The following KIF21B variants were observed in gnomAD, a reference collection of about 807,000 sequenced individuals.
KIF21B encodes the protein kinesin-like protein KIF21B.
In KIF21B, 85 loss-of-function variants were observed where a neutral mutation model predicts 192.9. The observed-to-expected ratio is 0.44, with a 90% CI of 0.37 to 0.53. KIF21B has a LOEUF of 0.53. Ranked by LOEUF, KIF21B falls within the 20% of genes least tolerant of loss-of-function variation. The pLI is 0.00. For missense variants in KIF21B, 1,716 were observed against 2,194.8 expected (o/e 0.78, Z 4.36); for synonymous variants, 832 against 884.6 (o/e 0.94, Z 1.05).
At position 201,000,950 on chromosome 1, in the gene KIF21B, A is replaced by T. The variant is rs1025509589; in HGVS notation, c.1403-170T>A. On this transcript the variant is annotated intron_variant, in intron 9 of 34. Transcript: ENST00000461742. This position sits in a 1 kb window ranked among gnomAD's most constrained non-coding sequence, Gnocchi z 6.0. ...TGGAGAAACCCCGTCTCTACTAAAA[A>T]TACAAAATTAGCCGGGCGTGGTGGC... 5.3e-5 allele frequency among the ~76,000 whole-genome samples: 8 copies of T among 152,190 alleles called. No homozygotes were observed. The highest frequency in any genetic ancestry group is 1.7e-4 in the African/African-American group (7 of 41,438).
Position 200,998,610 on chromosome 1 carries a change from G to A in KIF21B, c.1886-35C>T, listed in dbSNP as rs1329400533. 6.3e-7 allele frequency: 1 copy of A among 1,593,410 alleles called. No homozygotes were observed. Among genetic ancestry groups the A allele is most frequent in the Non-Finnish European group, 8.6e-7 (1 of 1,165,484 alleles). ...CACAATCAGGCTCAGCCCAGCGTTA[G>A]GGCGAGGGGCAAATTGGGGAGCAGA... On this transcript the variant is annotated intron_variant, in intron 13 of 34. Transcript: ENST00000461742. This position sits in a 1 kb window ranked among gnomAD's most constrained non-coding sequence, Gnocchi z 4.3.
At chr1:201,016,892 T>C (rs1350547540) in intron 1 of KIF21B, among the ~76,000 whole-genome samples, 3 of 152,194 alleles carry the variant, frequency 2.0e-5, no homozygotes, top group Non-Finnish European at 4.4e-5. Context: ...TTGGCCGGCA[T>C]GGTGCAAGCA....
Position 200,982,956 on chromosome 1 carries a change from G to T in KIF21B, c.3842+100C>A. On this transcript the variant is annotated intron_variant, in intron 28 of 34. Transcript: ENST00000461742. This position sits in a 1 kb window ranked among gnomAD's most constrained non-coding sequence, Gnocchi z 4.7. ...GGGAGTGGAGGGGCCGCATGCTGAGGACACGGGTGTCAGGCGGGAGGGATG... is the reference window on the plus strand; with the variant it reads ...GGGAGTGGAGGGGCCGCATGCTGAGTACACGGGTGTCAGGCGGGAGGGATG... The T allele has an allele frequency of 9.3e-7, 1 of 1,073,000 alleles. No individual in the cohort carries two copies. The highest frequency in any genetic ancestry group is 1.3e-5 in the South Asian group (1 of 74,638). The allele number at this position is 1,073,000 out of a possible 1,614,324, so 66.5% of individuals were successfully genotyped here. A position where few individuals can be genotyped will look rare whatever the true frequency, so the allele number is the denominator to read the frequency against.
chr1:201,012,284 A>AG (rs905793591), intron 1 of KIF21B, among the ~76,000 whole-genome samples: 2 of 152,182 alleles, frequency 1.3e-5, no homozygotes, highest in African/African-American at 4.8e-5. Context: ...GCTGGGAGAC[A>AG]GGGGGGCATG....
intron 9 of KIF21B, chr1:201,001,472 C>T (rs1366328477): frequency 6.6e-6 from 1 of 152,592 alleles, no homozygotes; most frequent in African/African-American, 2.4e-5. Flanking sequence ...CCTCAGCCTC[C>T]CGGGCTCAGG....
chr1:200,974,921 A>G lies in KIF21B; in HGVS notation c.4615-8T>C. On this transcript the variant is annotated splice_region_variant and splice_polypyrimidine_tract_variant and intron_variant, in intron 33 of 34. Transcript: ENST00000461742. ...GTGCGCATTGGGGATTTGCTGTGAG[A>G]GGATCAGGGCTGGTGAGGGCTGGGG... 6.2e-7 allele frequency: 1 copy of G among 1,613,016 alleles called. No individual in the cohort carries two copies.
chr1:201,018,496 C>T (rs901762022), intron 1 of KIF21B, among the ~76,000 whole-genome samples: 2 of 152,228 alleles, frequency 1.3e-5, no homozygotes, highest in Admixed American at 6.5e-5. Context: ...TTTCACTTTC[C>T]CACATTCATG....
At position 201,002,266 on chromosome 1, in the gene KIF21B, C is replaced by T; in HGVS notation, c.1297G>A (p.Ala433Thr). ...ATGGCTTTCACCCGCAGCCGCAGGGCCCCATTCTCCTTCTGTAGCATGGCA... is the reference window on the plus strand; with the variant it reads ...ATGGCTTTCACCCGCAGCCGCAGGGTCCCATTCTCCTTCTGTAGCATGGCA... ...ENAMLQKENG[A>T]LRLRVKAMQE... is the part of the protein sequence containing the mutation. Residue 433 changes from alanine (A) to threonine (T), a missense_variant, in exon 9 of 35, where the codon GCC becomes ACC. Physicochemically the swap from Ala to Thr is moderately conservative, Grantham distance 58. Around this residue, in one of 3 missense-constraint regions of KIF21B, gnomAD observed 1,087 missense variants for 1,316.6 expected, o/e 0.83. Transcript: ENST00000461742. 1.2e-6 allele frequency: 2 copies of T among 1,614,162 alleles called. No homozygotes were observed. Among genetic ancestry groups the T allele is most frequent in the South Asian group, 1.1e-5 (1 of 91,086 alleles).
At chr1:200,995,578 T>C (rs1657004910) in intron 15 of KIF21B, among the ~76,000 whole-genome samples, 1 of 152,186 alleles carries the variant, frequency 6.6e-6, no homozygotes. Context: ...AAGGGAGGCA[T>C]TGTGCCACCT....
intron 26 of KIF21B, among the ~76,000 whole-genome samples, chr1:200,985,817 T>TTCCCC (rs1656258899): frequency 1.4e-5 from 1 of 72,060 alleles, no homozygotes; most frequent in African/African-American, 6.6e-5. Flanking sequence ...CTCCCTTCCT[T>TTCCCC]TCCCTTCCCT....
intron 14 of KIF21B, among the ~76,000 whole-genome samples, chr1:200,997,874 C>T (rs1258606875): frequency 1.3e-5 from 2 of 152,218 alleles, no homozygotes; most frequent in Non-Finnish European, 2.9e-5. Flanking sequence ...TGTCTTTCCC[C>T]ACTAGAATGT....
intron 15 of KIF21B, 130 bp downstream of exon 15, chr1:200,996,066 C>A (rs779453555): frequency 4.1e-6 from 4 of 966,080 alleles, no homozygotes; most frequent in Non-Finnish European, 6.5e-6. Context: ...CAGGGTCAAA[C>A]TAGGTTAATG....
chr1:201,000,779 G>C lies in KIF21B; in HGVS notation c.1404C>G (p.Gly468=), dbSNP rs763641518. 5.9e-5 allele frequency: 96 copies of C among 1,614,022 alleles called. 1 individual carries two copies. In the South Asian group the frequency reaches 1.0e-3, roughly 18 times the overall value. Residue 468 remains glycine, a splice_region_variant and synonymous_variant, in exon 10 of 35, where the codon GGC becomes GGG. Coordinates refer to ENST00000461742, the MANE Select transcript of KIF21B (RefSeq NM_001252102.2). This position sits in a 1 kb window ranked among gnomAD's most constrained non-coding sequence, Gnocchi z 6.0. ...GCGCACCAATGGCCTCATTGCCATC[G>C]CCTGGAGTGGGACGGCGGGAAGAAG... ...QEANLLLAKA[G]DGNEAIGALI...
intron 21 of KIF21B, 45 bp downstream of exon 21, chr1:200,989,897 A>G (rs1341418662): frequency 1.4e-6 from 2 of 1,462,576 alleles, no homozygotes; most frequent in Non-Finnish European, 1.9e-6. Context: ...TCACAGAGGC[A>G]TCTGTGCCCA....
At chr1:200,992,259 G>A (rs1464005598) in intron 16 of KIF21B, 23 bp downstream of exon 16, 1 of 1,605,956 alleles carries the variant, frequency 6.2e-7, no homozygotes, top group African/African-American at 1.3e-5. Context: ...AGGCTCCTGG[G>A]AGGCTCAAGG....
chr1:201,001,838 G>A (rs1657517358), intron 9 of KIF21B: 2 of 362,746 alleles, frequency 5.5e-6, no homozygotes, highest in Non-Finnish European at 1.0e-5. Context: ...TGAGAAAGGT[G>A]TGGGAAAATA....
At chr1:200,973,709 T>C (rs1655348209) in intron 34 of KIF21B, 131 bp from the exon 35 acceptor site, 1 of 1,490,620 alleles carries the variant, frequency 6.7e-7, no homozygotes, top group South Asian at 1.3e-5. Context: ...GAGGCAAGCA[T>C]GGCTTACGGG....
At chr1:200,973,813 T>G (rs1256871539) in intron 34 of KIF21B, 29 of 1,430,364 alleles carry the variant, frequency 2.0e-5, no homozygotes, top group Admixed American at 3.0e-5. Context: ...TTTCTTTTTT[T>G]GGGGGGGTGT....
intron 22 of KIF21B, 46 bp from the exon 23 acceptor site, chr1:200,988,590 C>A: frequency 6.6e-7 from 1 of 1,517,872 alleles, no homozygotes. Flanking sequence ...AAGCCCTGTC[C>A]AAGTGTCGGG....
Sources: gnomAD v4.1 joint callset for allele counts (sites outside exome capture counted in the v4.1 genomes callset) on GRCh38, gnomAD v4.1.1 for gene constraint, gnomAD v4.1.1 regional missense constraint, Gnocchi (gnomAD v3.1) non-coding constraint, MANE v1.5 for transcripts, NCBI Gene and HGNC (gene_info 2026-07-23, HGNC 2026-07-21) for gene names.